ADAM22: variants seen among roughly 807,000 people sequenced by gnomAD.
ADAM22 encodes ADAM metallopeptidase domain 22, also known as disintegrin and metalloproteinase domain-containing protein 22.
A neutral mutation model predicts 144.6 loss-of-function variants in ADAM22; 65 were observed. That is an observed-to-expected ratio of 0.45 (90% CI 0.37 to 0.55). The LOEUF is 0.55. ADAM22 is among the 20% of genes least tolerant of loss of function. The pLI is 0.00. For synonymous variants in ADAM22, 391 were observed against 412.6 expected (o/e 0.95, Z 0.63); for missense variants, 974 against 1,184.9 (o/e 0.82, Z 2.61).
At chr7:87,957,867 G>A (rs1333732892) in intron 2 of ADAM22, among the ~76,000 whole-genome samples, 2 of 152,118 alleles carry the variant, frequency 1.3e-5, no homozygotes, top group African/African-American at 4.8e-5. Flanking sequence ...ACAGGCATGA[G>A]CCACCCTGTC....
intron 4 of ADAM22, among the ~76,000 whole-genome samples, chr7:88,097,952 A>G (rs1470360427): frequency 6.6e-6 from 1 of 152,138 alleles, no homozygotes; most frequent in Non-Finnish European, 1.5e-5. Flanking sequence ...GTCCACATTG[A>G]TTTTCCATTC....
At chr7:88,132,809 G>A (rs2129500303) in intron 11 of ADAM22, 58 bp from the exon 12 acceptor site, 1 of 1,323,342 alleles carries the variant, frequency 7.6e-7, no homozygotes, top group Non-Finnish European at 1.1e-6. Flanking sequence ...TAATAATGAG[G>A]GGTGCTATGA....
Position 88,145,411 on chromosome 7 carries a change from T to C in ADAM22, c.1393-4T>C, listed in dbSNP as rs1366327710. 11 of 1,611,404 alleles carry C rather than the reference T, an allele frequency of 6.8e-6. No homozygotes were observed. The highest frequency in any genetic ancestry group is 9.3e-6 in the Non-Finnish European group (11 of 1,178,040). Reference sequence around the variant, plus strand: ...GATGTTTTGAAAATGTTTATATTCCTTAGGAATGTGTCCTTGAAGGAGCAG... The same window carrying C: ...GATGTTTTGAAAATGTTTATATTCCCTAGGAATGTGTCCTTGAAGGAGCAG... On this transcript the variant is annotated splice_region_variant and splice_polypyrimidine_tract_variant and intron_variant, in intron 16 of 31. Transcript: ENST00000413139.
At chr7:87,999,828 C>T (rs1047810429) in intron 3 of ADAM22, among the ~76,000 whole-genome samples, 47 of 151,704 alleles carry the variant, frequency 3.1e-4, no homozygotes, top group African/African-American at 9.9e-4. Flanking sequence ...AATTATTTGC[C>T]AGCTTGGTGC....
chr7:87,957,861 G>A (rs968386173), intron 2 of ADAM22, among the ~76,000 whole-genome samples: 1 of 152,146 alleles, frequency 6.6e-6, no homozygotes, highest in Non-Finnish European at 1.5e-5. Context: ...GGGATTACAG[G>A]CATGAGCCAC....
chr7:88,036,745 A>G (rs1379307529), intron 3 of ADAM22, among the ~76,000 whole-genome samples: 1 of 152,128 alleles, frequency 6.6e-6, no homozygotes, highest in African/African-American at 2.4e-5. Flanking sequence ...CTTCTGATTC[A>G]TTCACCAATT....
intron 30 of ADAM22, among the ~76,000 whole-genome samples, chr7:88,187,507 G>T (rs1484232921): frequency 6.6e-6 from 1 of 152,142 alleles, no homozygotes; most frequent in Non-Finnish European, 1.5e-5. Flanking sequence ...AGGTCAGAAA[G>T]AATTTCCAAG....
intron 21 of ADAM22, among the ~76,000 whole-genome samples, chr7:88,155,536 A>AG (rs1246642286): frequency 6.6e-6 from 1 of 151,922 alleles, no homozygotes; most frequent in East Asian, 1.9e-4. Context: ...AAAAAAAAAA[A>AG]AAAAAGAAGA....
At chr7:87,940,961 T>C (rs1466294586) in intron 2 of ADAM22, among the ~76,000 whole-genome samples, 1 of 152,242 alleles carries the variant, frequency 6.6e-6, no homozygotes, top group Non-Finnish European at 1.5e-5. Context: ...ATTGCTATTT[T>C]TTGAATAAGC....
At chr7:88,195,324 C>T (rs1850439368) in intron 31 of ADAM22, among the ~76,000 whole-genome samples, 1 of 152,086 alleles carries the variant, frequency 6.6e-6, no homozygotes, top group Non-Finnish European at 1.5e-5. Flanking sequence ...TCATGTCACA[C>T]TTGTTATTAG....
chr7:87,979,349 C>T (rs1026316616), intron 3 of ADAM22, among the ~76,000 whole-genome samples: 1 of 152,192 alleles, frequency 6.6e-6, no homozygotes, highest in Non-Finnish European at 1.5e-5. Flanking sequence ...TTTAAATTTA[C>T]ATTAATTCAT....
chr7:88,143,992 G>C (rs1376329556), intron 15 of ADAM22, among the ~76,000 whole-genome samples: 1 of 152,198 alleles, frequency 6.6e-6, no homozygotes, highest in East Asian at 1.9e-4. Context: ...TATAAACCCA[G>C]AGTAAGAGAA....
intron 18 of ADAM22, 149 bp from the exon 19 acceptor site, chr7:88,150,832 T>C: frequency 1.7e-6 from 1 of 573,592 alleles, no homozygotes; most frequent in Non-Finnish European, 3.1e-6. Flanking sequence ...ATCCACTTGC[T>C]CTTGACCTCC....
intron 10 of ADAM22, among the ~76,000 whole-genome samples, chr7:88,130,722 C>T (rs1831551600): frequency 6.6e-6 from 1 of 152,006 alleles, no homozygotes; most frequent in African/African-American, 2.4e-5. Context: ...TGTGTCATAC[C>T]CCTAACAAAG....
At chr7:87,984,208 C>T (rs1854391464) in intron 3 of ADAM22, among the ~76,000 whole-genome samples, 1 of 152,164 alleles carries the variant, frequency 6.6e-6, no homozygotes, top group Non-Finnish European at 1.5e-5. Context: ...TGAGATTAGT[C>T]TCTAGCTTTT....
chr7:87,988,691 C>T (rs990003370), intron 3 of ADAM22, among the ~76,000 whole-genome samples: 1 of 152,090 alleles, frequency 6.6e-6, no homozygotes, highest in East Asian at 1.9e-4. Flanking sequence ...CCTGTAGAGG[C>T]CTTAAGATTA....
rs112807919 is a variant in ADAM22 at position 87,992,275 on chromosome 7, A to G, written c.323+13863A>G. Among the ~76,000 whole-genome samples the G allele has an allele frequency of 4.4e-3, 673 of 152,304 alleles. 2 individuals carry two copies. Among genetic ancestry groups the G allele is most frequent in the African/African-American group, 0.015 (636 of 41,576 alleles). ...TATAGCGATATGAAAGTGCCCCCAG[A>G]GAATTATATGAAGTTCAGGGGGCTG... On this transcript the variant is annotated intron_variant, in intron 3 of 31. Transcript: ENST00000413139.
chr7:88,168,363 C>T (rs747556980), intron 25 of ADAM22, 136 bp downstream of exon 25: 2 of 839,112 alleles, frequency 2.4e-6, no homozygotes, highest in Non-Finnish European at 4.0e-6. Context: ...AGCAGCCAGT[C>T]AATGCTTATT....
Position 88,196,498 on chromosome 7 carries a change from C to A in ADAM22, c.*7C>A. On this transcript the variant is annotated 3_prime_UTR_variant, in exon 32 of 32. Coordinates refer to ENST00000413139, the MANE Select transcript of ADAM22 (RefSeq NM_001324418.2). The stretch of plus-strand genomic sequence containing the variant: ...ATGGGAGACATCCATTTAAGATCAA[C>A]TGTTTACATGTGATACATCGAAAAC... 5.0e-6 allele frequency: 8 copies of A among 1,614,046 alleles called. No homozygotes were observed. Among genetic ancestry groups the A allele is most frequent in the African/African-American group, 1.3e-5 (1 of 75,064 alleles).
Sources: allele counts gnomAD v4.1 joint callset (sites outside exome capture counted in the v4.1 genomes callset), GRCh38; gene constraint gnomAD v4.1.1; transcripts MANE v1.5; gene names NCBI Gene and HGNC (gene_info 2026-07-23, HGNC 2026-07-21).